Variants in SCMH1 observed in about 807,000 individuals in gnomAD.
SCMH1 encodes the protein polycomb protein SCMH1.
A neutral mutation model predicts 70.8 loss-of-function variants in SCMH1; 37 were observed. The observed-to-expected ratio is 0.52, with a 90% CI of 0.40 to 0.69. The LOEUF (loss-of-function observed/expected upper bound fraction) is 0.69. Ranked by LOEUF, SCMH1 falls within the 30% of genes least tolerant of loss-of-function variation. The pLI is 0.00. For missense variants in SCMH1, 607 were observed against 827.3 expected, an observed-to-expected ratio of 0.73 and a Z score of 3.27; for synonymous variants, 292 against 307.4, an observed-to-expected ratio of 0.95 and a Z score of 0.52.
chr1:41,205,335 G>A (rs1046953972), intron 1 of SCMH1, among the ~76,000 whole-genome samples: 1 of 152,216 alleles, frequency 6.6e-6, no homozygotes, highest in African/African-American at 2.4e-5. Context: ...GTACACCTCT[G>A]CCCAAATACT....
intron 6 of SCMH1, among the ~76,000 whole-genome samples, chr1:41,127,337 C>G (rs1339080840): frequency 1.3e-5 from 2 of 151,870 alleles, no homozygotes; most frequent in Non-Finnish European, 2.9e-5. Flanking sequence ...TTTTTTTCCC[C>G]TAAAAATGTT....
chr1:41,127,143 C>A (rs1206434908), intron 6 of SCMH1, among the ~76,000 whole-genome samples: 1 of 152,020 alleles, frequency 6.6e-6, no homozygotes, highest in Non-Finnish European at 1.5e-5. Context: ...GTCTGAGGAC[C>A]ATTTGTATAT....
chr1:41,138,370 T>C (rs1454852169), intron 6 of SCMH1, among the ~76,000 whole-genome samples: 1 of 152,212 alleles, frequency 6.6e-6, no homozygotes, highest in East Asian at 1.9e-4. Flanking sequence ...TCTGTTCCAT[T>C]GTTTTGTTTA....
chr1:41,108,491 C>T (rs11209541), intron 8 of SCMH1, among the ~76,000 whole-genome samples: 1 of 152,086 alleles, frequency 6.6e-6, no homozygotes, highest in Admixed American at 6.5e-5. Context: ...AAAACTAAAG[C>T]ATGTATCTGT....
rs764906689 is a variant in SCMH1 at position 41,220,707 on chromosome 1, G to A, written c.-118+21352C>T. ...CGTGGTCCTTGTTTTTGACAAAAGC[G>A]CATAATCTAAAGGAGTCTGAAAATA... On this transcript the variant is annotated intron_variant, in intron 1 of 14. Coordinates refer to ENST00000337495, the Ensembl canonical transcript of SCMH1. 4.6e-5 allele frequency among the ~76,000 whole-genome samples: 7 copies of A among 152,142 alleles called. No homozygotes were observed. The East Asian group carries it at 5.8e-4, about 13-fold the overall frequency.
intron 6 of SCMH1, among the ~76,000 whole-genome samples, chr1:41,119,948 G>C (rs1671517384): frequency 6.6e-6 from 1 of 152,084 alleles, no homozygotes; most frequent in Non-Finnish European, 1.5e-5. Context: ...AGAAATTCAA[G>C]CGTGGTGTTT....
intron 10 of SCMH1, among the ~76,000 whole-genome samples, chr1:41,054,749 A>T (rs1649606157): frequency 6.6e-6 from 1 of 152,116 alleles, no homozygotes; most frequent in Admixed American, 6.6e-5. Flanking sequence ...AATGAAGTGA[A>T]CTCTGACAGT....
At chr1:41,237,946 A>G (rs1662728559) in intron 1 of SCMH1, among the ~76,000 whole-genome samples, 1 of 152,152 alleles carries the variant, frequency 6.6e-6, no homozygotes, top group Admixed American at 6.5e-5. Flanking sequence ...ACTAATATTT[A>G]CTTTGTATCT....
chr1:41,153,181 A>G (rs1645222341), intron 4 of SCMH1, among the ~76,000 whole-genome samples: 1 of 152,236 alleles, frequency 6.6e-6, no homozygotes, highest in East Asian at 1.9e-4. Context: ...TGGATTGAGA[A>G]TCTTCAACTC....
intron 1 of SCMH1, among the ~76,000 whole-genome samples, chr1:41,193,882 A>G (rs914464817): frequency 6.6e-6 from 1 of 152,206 alleles, no homozygotes; most frequent in Non-Finnish European, 1.5e-5. Flanking sequence ...ATTATTTATG[A>G]TACTTAACAT....
At chr1:41,168,632 CTTT>C (rs543282078) in intron 2 of SCMH1, among the ~76,000 whole-genome samples, 26 of 104,682 alleles carry the variant, frequency 2.5e-4, no homozygotes, top group South Asian at 1.3e-3. Context: ...GGAGATTTGT[CTTT>C]TTTTTTTTTT....
chr1:41,227,266 G>A (rs1039027220), intron 1 of SCMH1, among the ~76,000 whole-genome samples: 1 of 152,144 alleles, frequency 6.6e-6, no homozygotes, highest in Non-Finnish European at 1.5e-5. Flanking sequence ...CTTAGCACAT[G>A]CTGTTTGCTC....
intron 10 of SCMH1, among the ~76,000 whole-genome samples, chr1:41,067,001 T>C (rs1654820282): frequency 6.6e-6 from 1 of 152,218 alleles, no homozygotes; most frequent in Admixed American, 6.5e-5. Flanking sequence ...TGAAACCGTA[T>C]GTCCACATAA....
Position 41,075,493 on chromosome 1 carries a change from G to A in SCMH1, c.746-42C>T, listed in dbSNP as rs1303536692. 3 of 1,526,410 alleles carry A rather than the reference G, an allele frequency of 2.0e-6. No individual in the cohort carries two copies. The African/African-American group carries it at 4.1e-5, about 21-fold the overall frequency. The allele number at this position is 1,526,410 out of a possible 1,614,324, so 94.6% of individuals were successfully genotyped here. The stretch of plus-strand genomic sequence containing the variant: ...CATTCTATCACCCTCCCTCCCCCCT[G>A]CATTCTCATCCCAGCCAGAAGAAAA... On this transcript the variant is annotated intron_variant, in intron 8 of 14. Transcript: ENST00000337495.
chr1:41,202,502 T>C (rs1225861077), intron 1 of SCMH1, among the ~76,000 whole-genome samples: 1 of 152,242 alleles, frequency 6.6e-6, no homozygotes, highest in Non-Finnish European at 1.5e-5. Context: ...TGGTAGACTT[T>C]ACTGTACTTT....
intron 13 of SCMH1, among the ~76,000 whole-genome samples, chr1:41,034,381 G>A (rs1203234629): frequency 6.6e-6 from 1 of 151,096 alleles, no homozygotes; most frequent in African/African-American, 2.4e-5. Context: ...AGGCTGGAGT[G>A]CAGTGGCGTG....
At chr1:41,080,760 GA>G (rs1373993102) in intron 8 of SCMH1, among the ~76,000 whole-genome samples, 2 of 152,034 alleles carry the variant, frequency 1.3e-5, no homozygotes, top group African/African-American at 4.8e-5. Flanking sequence ...GAATAAAAGA[GA>G]ATTTCCTTAG....
At chr1:41,218,962 G>C (rs771431101) in intron 1 of SCMH1, among the ~76,000 whole-genome samples, 28 of 152,220 alleles carry the variant, frequency 1.8e-4, no homozygotes, top group South Asian at 4.1e-4. Context: ...GTTTCTGATA[G>C]TCAGATGGTT....
intron 6 of SCMH1, among the ~76,000 whole-genome samples, chr1:41,136,771 T>A (rs1643404883): frequency 6.9e-6 from 1 of 145,552 alleles, no homozygotes. Context: ...CAAAGGACAG[T>A]ACTTTTTTTT....
Sources: gnomAD v4.1 joint callset for allele counts (sites outside exome capture counted in the v4.1 genomes callset) on GRCh38, gnomAD v4.1.1 for gene constraint, MANE v1.5 for transcripts, NCBI Gene and HGNC (gene_info 2026-07-23, HGNC 2026-07-21) for gene names.